The following SPTLC2 variants were observed in gnomAD, a reference collection of about 807,000 sequenced individuals.
The protein encoded by SPTLC2 is serine palmitoyltransferase long chain base subunit 2.
A neutral mutation model predicts 62.0 loss-of-function variants in SPTLC2; 21 were observed. The ratio of observed to expected loss-of-function variants is 0.34; its 90% CI spans 0.24 to 0.49. The LOEUF is 0.49. SPTLC2 is among the 20% of genes least tolerant of loss of function. The pLI is 0.99. For synonymous variants in SPTLC2, 261 were observed against 261.8 expected, an observed-to-expected ratio of 1.00 and a Z score of 0.03; for missense variants, 511 against 713.0, an observed-to-expected ratio of 0.72 and a Z score of 3.23.
chr14:77,541,100 C>T (rs2079498410), intron 9 of SPTLC2, among the ~76,000 whole-genome samples: 1 of 152,096 alleles, frequency 6.6e-6, no homozygotes, highest in Non-Finnish European at 1.5e-5. Flanking sequence ...GTGATCTCAG[C>T]TCACTGCAAT....
intron 11 of SPTLC2, among the ~76,000 whole-genome samples, chr14:77,516,163 A>G (rs1036685050): frequency 7.2e-5 from 11 of 152,222 alleles, no homozygotes; most frequent in African/African-American, 2.7e-4. Context: ...GACTTTAACA[A>G]ATCCATGGTT....
chr14:77,524,302 G>A (rs963805363), intron 9 of SPTLC2, among the ~76,000 whole-genome samples: 2 of 152,120 alleles, frequency 1.3e-5, no homozygotes, highest in Non-Finnish European at 2.9e-5. Flanking sequence ...GGAACTTCCA[G>A]GAGGGACGAT....
chr14:77,546,506 G>A (rs1238168063), intron 9 of SPTLC2, among the ~76,000 whole-genome samples: 2 of 152,142 alleles, frequency 1.3e-5, no homozygotes, highest in Non-Finnish European at 1.5e-5. Context: ...TGAAGGAGGA[G>A]GTTGTAGAAG....
chr14:77,512,417 G>C lies in SPTLC2; in HGVS notation c.1570-14C>G. On this transcript the variant is annotated splice_polypyrimidine_tract_variant and intron_variant, in intron 11 of 11. Coordinates refer to ENST00000216484, the MANE Select transcript of SPTLC2 (RefSeq NM_004863.4). ...CTCCTTTAAAGCCTAAAATACACAA[G>C]ACAAAGTAGAGGTCTGTCAGAGCCA... 1 of 1,614,176 alleles carries C rather than the reference G, an allele frequency of 6.2e-7. No homozygotes were observed.
intron 9 of SPTLC2, among the ~76,000 whole-genome samples, chr14:77,551,281 C>G (rs1048262535): frequency 6.7e-6 from 1 of 148,818 alleles, no homozygotes; most frequent in African/African-American, 2.4e-5. Context: ...GTAGTCCCAG[C>G]TACTCGGGAG....
At chr14:77,602,153 G>A (rs1014678893) in intron 1 of SPTLC2, among the ~76,000 whole-genome samples, 2 of 152,026 alleles carry the variant, frequency 1.3e-5, no homozygotes, top group African/African-American at 4.8e-5. Flanking sequence ...ATCTACTTAG[G>A]AGTTCTCAGC....
intron 5 of SPTLC2, among the ~76,000 whole-genome samples, chr14:77,569,240 T>G (rs139523173): frequency 1.3e-5 from 2 of 152,342 alleles, no homozygotes; most frequent in East Asian, 3.9e-4. Context: ...CCTTTTAACC[T>G]CTGTGTCTTC....
rs116078732 is a variant in SPTLC2 at position 77,572,105 on chromosome 14, T to C, written c.632-1597A>G. 5.3e-5 allele frequency among the ~76,000 whole-genome samples: 8 copies of C among 152,302 alleles called. No individual in the cohort carries two copies. In the East Asian group the frequency reaches 1.5e-3, roughly 29 times the overall value. On this transcript the variant is annotated intron_variant, in intron 4 of 11. Transcript: ENST00000216484. Reference sequence around the variant, plus strand: ...ATCCAGCCGAGCACTTTATAAAATATCAAATGCCATAAAGGCATAATGTAT... The same window carrying C: ...ATCCAGCCGAGCACTTTATAAAATACCAAATGCCATAAAGGCATAATGTAT...
At chr14:77,512,555 G>C in intron 11 of SPTLC2, 152 bp from the exon 12 acceptor site, 1 of 1,212,570 alleles carries the variant, frequency 8.2e-7, no homozygotes, top group South Asian at 1.3e-5. Context: ...CAATACAGCT[G>C]TGGAAGGAGC....
intron 2 of SPTLC2, among the ~76,000 whole-genome samples, chr14:77,587,071 A>G (rs890100360): frequency 2.0e-5 from 3 of 152,054 alleles, no homozygotes; most frequent in African/African-American, 7.2e-5. Context: ...AAAAATACAA[A>G]AACAAAATTA....
At chr14:77,597,097 A>T in intron 2 of SPTLC2, 89 bp downstream of exon 2, 4 of 1,369,952 alleles carry the variant, frequency 2.9e-6, no homozygotes, top group Non-Finnish European at 4.0e-6. Context: ...ATGTGTACCC[A>T]AATTTCTGAG....
In SPTLC2 at chr14:77,616,540, C is replaced by T. The variant is rs781199601; in HGVS notation, c.40G>A (p.Val14Met). 6.5e-7 allele frequency: 1 copy of T among 1,536,012 alleles called. No homozygotes were observed. The highest frequency in any genetic ancestry group is 8.7e-7 in the Non-Finnish European group (1 of 1,146,706). Residue 14 changes from valine (V) to methionine (M), a missense_variant, in exon 1 of 12, where the codon GTG becomes ATG. By Grantham distance (21) the Val-to-Met change is conservative. Transcript: ENST00000216484. ...EPGGCCCRRT[V>M]RANGCVANGE... ...TTCGCCACGCAGCCATTCGCCCGCA[C>T]CGTGCGGCGGCAGCAGCAGCCTCCG...
At chr14:77,599,117 G>A (rs1327872081) in intron 1 of SPTLC2, among the ~76,000 whole-genome samples, 2 of 152,152 alleles carry the variant, frequency 1.3e-5, no homozygotes, top group South Asian at 2.1e-4. Context: ...CAAAAACCAA[G>A]CTACTTTACT....
Position 77,540,088 on chromosome 14 carries a change from C to T in SPTLC2, c.1303+12008G>A, listed in dbSNP as rs542811478. Among the ~76,000 whole-genome samples, 5 of 151,478 alleles carry T rather than the reference C, an allele frequency of 3.3e-5. No individual in the cohort carries two copies. In the South Asian group the frequency reaches 6.3e-4, roughly 19 times the overall value. Reference sequence around the variant, plus strand: ...ACACATGCCTATAATCCCAGCTACTCGGGAAGCTGAGGCAGGAGAATCGCT... The same window carrying T: ...ACACATGCCTATAATCCCAGCTACTTGGGAAGCTGAGGCAGGAGAATCGCT... On this transcript the variant is annotated intron_variant, in intron 9 of 11. Coordinates refer to ENST00000216484, the MANE Select transcript of SPTLC2 (RefSeq NM_004863.4).
At chr14:77,527,159 C>T (rs2079413180) in intron 9 of SPTLC2, among the ~76,000 whole-genome samples, 1 of 150,610 alleles carries the variant, frequency 6.6e-6, no homozygotes, top group Admixed American at 6.6e-5. Flanking sequence ...TGCAGTGGTG[C>T]GATCTCAGCT....
intron 5 of SPTLC2, among the ~76,000 whole-genome samples, chr14:77,568,611 A>G (rs1192433910): frequency 4.6e-5 from 7 of 152,154 alleles, no homozygotes; most frequent in Admixed American, 4.6e-4. Flanking sequence ...GATCAAGACC[A>G]TCTTGGCTAA....
chr14:77,556,979 T>TA, intron 7 of SPTLC2, 62 bp downstream of exon 7: 7 of 1,396,672 alleles, frequency 5.0e-6, no homozygotes, highest in Non-Finnish European at 7.1e-6. Flanking sequence ...TCCCTTCAGT[T>TA]AAAAAATTCT....
At position 77,570,392 on chromosome 14, in the gene SPTLC2, CA is replaced by C; in HGVS notation, c.747del (p.Val250LeufsTer6). 2 of 1,613,336 alleles carry C rather than the reference CA, an allele frequency of 1.2e-6. No individual in the cohort carries two copies. The highest frequency in any genetic ancestry group is 1.7e-6 in the Non-Finnish European group (2 of 1,179,980). ...ATGACAGAGTATCTTACTTTGCCAA[CA>C]AGAGCAGGAATGTTCATTGAATTCG... ...FATNSMNIPA[L>X]VGKGCLILSD... On this transcript the variant is annotated frameshift_variant, in exon 5 of 12. Transcript: ENST00000216484. LOFTEE classifies it high-confidence loss of function.
intron 9 of SPTLC2, among the ~76,000 whole-genome samples, chr14:77,534,841 T>TCACA (rs2079460856): frequency 2.0e-5 from 3 of 152,140 alleles, no homozygotes; most frequent in Admixed American, 6.6e-5. Context: ...TTTATGCAGC[T>TCACA]TACATTCCAG....
Sources: gnomAD v4.1 joint callset for allele counts (sites outside exome capture counted in the v4.1 genomes callset) on GRCh38, gnomAD v4.1.1 for gene constraint, MANE v1.5 for transcripts, NCBI Gene and HGNC (gene_info 2026-07-23, HGNC 2026-07-21) for gene names.